ANGPTL2: variants seen among roughly 807,000 people sequenced by gnomAD.
ANGPTL2 encodes the protein angiopoietin like 2, also known as angiopoietin-related protein 2.
ANGPTL2 carries 25 observed loss-of-function variants against 52.8 expected under a neutral mutation model. That is an observed-to-expected ratio of 0.47 (90% CI 0.35 to 0.66). ANGPTL2 has a LOEUF of 0.66. Among genes scored for constraint, ANGPTL2 ranks in the 30% least tolerant of loss-of-function variants. ANGPTL2 has a pLI of 0.01. For missense variants in ANGPTL2, 546 were observed against 656.9 expected (o/e 0.83, Z 1.84); for synonymous variants, 276 against 277.4 (o/e 1.00, Z 0.05).
At chr9:127,112,632 A>G (rs1196860830) in intron 1 of ANGPTL2, among the ~76,000 whole-genome samples, 1 of 152,240 alleles carries the variant, frequency 6.6e-6, no homozygotes, top group African/African-American at 2.4e-5. Flanking sequence ...TGAGACCTCA[A>G]AGGCTGAGTC....
intron 2 of ANGPTL2, among the ~76,000 whole-genome samples, chr9:127,104,508 C>T (rs1316189019): frequency 6.6e-6 from 1 of 152,244 alleles, no homozygotes; most frequent in Admixed American, 6.5e-5. Flanking sequence ...ATCACAGAAT[C>T]ATCCTAATCA....
At chr9:127,107,459 T>A (rs1400143491) in intron 2 of ANGPTL2, among the ~76,000 whole-genome samples, 4 of 152,246 alleles carry the variant, frequency 2.6e-5, no homozygotes, top group African/African-American at 9.7e-5. Context: ...CCCTACAATG[T>A]GTTTATCATA....
intron 1 of ANGPTL2, among the ~76,000 whole-genome samples, chr9:127,116,431 CA>C (rs1211390228): frequency 6.6e-5 from 10 of 152,174 alleles, no homozygotes; most frequent in Non-Finnish European, 1.5e-4. Flanking sequence ...GAGATTCCCC[CA>C]AAGTCTGTGC....
At chr9:127,095,144 A>G (rs2052966916) in intron 2 of ANGPTL2, among the ~76,000 whole-genome samples, 1 of 152,240 alleles carries the variant, frequency 6.6e-6, no homozygotes, top group Non-Finnish European at 1.5e-5. Flanking sequence ...CACGCCTGTA[A>G]TCCCAGCACT....
rs981399538 is a variant in ANGPTL2, at chr9:127,088,861, T to G, written c.*78A>C. 108 of 1,532,066 alleles carry G rather than the reference T, an allele frequency of 7.0e-5. No individual in the cohort carries two copies. Among genetic ancestry groups the G allele is most frequent in the Non-Finnish European group, 8.7e-5 (97 of 1,109,986 alleles). 94.9% of individuals were successfully genotyped at this position (1,532,066 alleles called of 1,614,324 possible). On this transcript the variant is annotated 3_prime_UTR_variant, in exon 5 of 5. Transcript: ENST00000373425. ...AGCCTCAGGATGAACTGGTGAGGAG[T>G]TGTTCTTTGTGCTGTGGCCAGCGTG...
chr9:127,104,950 A>G (rs1316628733), intron 2 of ANGPTL2, among the ~76,000 whole-genome samples: 1 of 152,212 alleles, frequency 6.6e-6, no homozygotes, highest in Non-Finnish European at 1.5e-5. Flanking sequence ...AACAGACCTG[A>G]TAAGAATGTT....
At chr9:127,120,821 C>T (rs2055988600) in intron 1 of ANGPTL2, among the ~76,000 whole-genome samples, 1 of 150,654 alleles carries the variant, frequency 6.6e-6, no homozygotes, top group African/African-American at 2.4e-5. Flanking sequence ...GAGCGAGACT[C>T]CATCTCAAAA....
At chr9:127,089,915 G>A (rs2052259413) in intron 4 of ANGPTL2, among the ~76,000 whole-genome samples, 1 of 152,188 alleles carries the variant, frequency 6.6e-6, no homozygotes, top group Non-Finnish European at 1.5e-5. Context: ...ACTGGGCCTG[G>A]CAAGGGGACC....
At chr9:127,112,742 G>A (rs141204730) in intron 1 of ANGPTL2, among the ~76,000 whole-genome samples, 10 of 152,356 alleles carry the variant, frequency 6.6e-5, no homozygotes, top group South Asian at 2.1e-4. Flanking sequence ...TTAGCAATAC[G>A]ATAGCAAGAA....
intron 1 of ANGPTL2, among the ~76,000 whole-genome samples, chr9:127,110,906 A>G (rs1007026669): frequency 6.6e-6 from 1 of 151,858 alleles, no homozygotes; most frequent in Non-Finnish European, 1.5e-5. Context: ...TCCCTGCCCC[A>G]GCCTTGCCCA....
At chr9:127,096,125 C>T (rs2053104740) in intron 2 of ANGPTL2, among the ~76,000 whole-genome samples, 1 of 152,206 alleles carries the variant, frequency 6.6e-6, no homozygotes, top group African/African-American at 2.4e-5. Flanking sequence ...GCTTCCTTTG[C>T]CAGTGCCACT....
Position 127,088,902 on chromosome 9 carries a change from T to G in ANGPTL2, c.*37A>C. 1 of 1,613,718 alleles carries G rather than the reference T, an allele frequency of 6.2e-7. No homozygotes were observed. Among genetic ancestry groups the G allele is most frequent in the East Asian group, 2.2e-5 (1 of 44,880 alleles). Reference sequence around the variant, plus strand: ...GGCCAGCGTGACCAGGGTGGGCTCCTGGCAATGGCCACGAGAGGTCAGGAG... The same window carrying G: ...GGCCAGCGTGACCAGGGTGGGCTCCGGGCAATGGCCACGAGAGGTCAGGAG... On this transcript the variant is annotated 3_prime_UTR_variant, in exon 5 of 5. Transcript: ENST00000373425.
At chr9:127,114,665 CTG>C (rs1277591688) in intron 1 of ANGPTL2, among the ~76,000 whole-genome samples, 2 of 152,224 alleles carry the variant, frequency 1.3e-5, no homozygotes, top group East Asian at 3.8e-4. Context: ...GCCCATTGGT[CTG>C]TGATCACAGA....
rs570501934 is a variant in ANGPTL2, at chr9:127,087,951, A to G, written c.*988T>C. ...ATGGAAGATACAAAACTGCGAGTACATTATCTATACGGCCGGTGGAGCTTT... is the reference window on the plus strand; with the variant it reads ...ATGGAAGATACAAAACTGCGAGTACGTTATCTATACGGCCGGTGGAGCTTT... On this transcript the variant is annotated 3_prime_UTR_variant, in exon 5 of 5. Coordinates refer to ENST00000373425, the MANE Select transcript of ANGPTL2 (RefSeq NM_012098.3). The G allele has an allele frequency of 2.0e-5, 3 of 152,746 alleles. No homozygotes were observed. Among genetic ancestry groups the G allele is most frequent in the South Asian group, 2.1e-4 (1 of 4,828 alleles). 9.5% of individuals were successfully genotyped at this position (152,746 alleles called of 1,614,324 possible).
In ANGPTL2 at chr9:127,088,772, C is replaced by A. The variant is rs746814997; in HGVS notation, c.*167G>T. 9.5e-6 allele frequency: 7 copies of A among 740,676 alleles called. No homozygotes were observed. In the East Asian group the frequency reaches 1.9e-4, roughly 20 times the overall value. 45.9% of individuals were successfully genotyped at this position (740,676 alleles called of 1,614,324 possible). On this transcript the variant is annotated 3_prime_UTR_variant, in exon 5 of 5. Transcript: ENST00000373425. ...GTAGGAGGGACAGAAAACACCGTAT[C>A]GATTCAGTTCCATCATCCGCTGCAG...
Position 127,091,784 on chromosome 9 carries a change from T to C in ANGPTL2, c.1168A>G (p.Ser390Gly). The C allele has an allele frequency of 6.2e-7, 1 of 1,614,162 alleles. No homozygotes were observed. Among genetic ancestry groups the C allele is most frequent in the Non-Finnish European group, 8.5e-7 (1 of 1,180,026 alleles). The change falls in exon 4 of 5, where the codon AGC becomes GGC. Residue 390 changes from serine to glycine, a missense_variant. Ser to Gly is a moderately conservative substitution (Grantham distance 56, BLOSUM62 0). Around this residue, in one of 2 missense-constraint regions of ANGPTL2, gnomAD observed 261 missense variants for 361.0 expected, o/e 0.72. Transcript: ENST00000373425. This position sits in a 1 kb window ranked among gnomAD's most constrained non-coding sequence, Gnocchi z 4.3. ...CCCAGCCGCAGCTTATAATACTCGC[T>C]CTCAGGTTCCAGGCGGAAACTGGCG... ...EYASFRLEPE[S>G]EYYKLRLGRY...
intron 2 of ANGPTL2, among the ~76,000 whole-genome samples, chr9:127,099,488 C>T (rs780221834): frequency 1.3e-5 from 2 of 152,184 alleles, no homozygotes; most frequent in Non-Finnish European, 2.9e-5. Flanking sequence ...CTGAGTGCCA[C>T]GGCACGTGGC....
At chr9:127,093,620 TG>T in intron 3 of ANGPTL2, 112 bp downstream of exon 3, 1 of 1,329,908 alleles carries the variant, frequency 7.5e-7, no homozygotes, top group Non-Finnish European at 1.0e-6. Flanking sequence ...CGCACAGGCC[TG>T]GGCTTGGTCA....
intron 2 of ANGPTL2, among the ~76,000 whole-genome samples, chr9:127,097,050 G>A (rs1284918617): frequency 6.6e-6 from 1 of 152,200 alleles, no homozygotes; most frequent in Non-Finnish European, 1.5e-5. Context: ...TCAAGAATGA[G>A]GGATCCATGC....
Sources: gnomAD v4.1 joint callset for allele counts (sites outside exome capture counted in the v4.1 genomes callset) on GRCh38, gnomAD v4.1.1 for gene constraint, gnomAD v4.1.1 regional missense constraint, Gnocchi (gnomAD v3.1) non-coding constraint, MANE v1.5 for transcripts, NCBI Gene and HGNC (gene_info 2026-07-23, HGNC 2026-07-21) for gene names.